COQ8A: variants seen among roughly 807,000 people sequenced by gnomAD.
COQ8A encodes the protein atypical kinase COQ8A, mitochondrial.
In COQ8A, 51 loss-of-function variants were observed where a neutral mutation model predicts 65.0. The ratio of observed to expected loss-of-function variants is 0.78; its 90% confidence interval spans 0.63 to 0.99. The LOEUF (loss-of-function observed/expected upper bound fraction) is 0.99. Among genes scored for constraint, COQ8A ranks in the 50% least tolerant of loss-of-function variants. The pLI, the probability that COQ8A is intolerant of heterozygous loss-of-function variation, is 0.00. For synonymous variants in COQ8A, 371 were observed against 353.2 expected, an observed-to-expected ratio of 1.05 and a Z score of -0.57; for missense variants, 940 against 875.0, an observed-to-expected ratio of 1.07 and a Z score of -0.94.
intron 2 of COQ8A, among the ~76,000 whole-genome samples, chr1:226,963,206 G>A (rs1266931469): frequency 6.6e-6 from 1 of 152,242 alleles, no homozygotes; most frequent in African/African-American, 2.4e-5. Context: ...GCTGAGTGAC[G>A]AGCCACACCA....
At position 226,984,985 on chromosome 1, in the gene COQ8A, G is replaced by C. The variant is rs201750655; in HGVS notation, c.1572+44G>C. On this transcript the variant is annotated intron_variant, in intron 13 of 14. Coordinates refer to ENST00000366777, the MANE Select transcript of COQ8A (RefSeq NM_020247.5). The stretch of plus-strand genomic sequence containing the variant: ...TGGCCTTGGTCCATGTTTTTCTGAG[G>C]CTGGGACAGGATGCTGGGGGACTCG... 8.7e-5 allele frequency: 140 copies of C among 1,607,262 alleles called. 1 individual carries two copies. In the East Asian group the frequency reaches 2.7e-3, roughly 31 times the overall value.
intron 1 of COQ8A, among the ~76,000 whole-genome samples, chr1:226,947,894 C>T (rs1053671571): frequency 6.6e-6 from 1 of 152,154 alleles, no homozygotes; most frequent in Non-Finnish European, 1.5e-5. Flanking sequence ...CAGGAATGCA[C>T]TGAGCTGTCT....
At chr1:226,986,169 A>G (rs918055165) in intron 14 of COQ8A, among the ~76,000 whole-genome samples, 1 of 152,034 alleles carries the variant, frequency 6.6e-6, no homozygotes, top group African/African-American at 2.4e-5. Flanking sequence ...TTTGGCCAGA[A>G]CAGTGTTTTG....
intron 1 of COQ8A, among the ~76,000 whole-genome samples, chr1:226,950,144 C>G (rs569480464): frequency 3.9e-5 from 6 of 152,302 alleles, no homozygotes; most frequent in South Asian, 4.1e-4. Context: ...GGAGAGGCTG[C>G]TTGGGACCCT....
At position 226,946,263 on chromosome 1, in the gene COQ8A, T is replaced by C. The variant is rs1450525771; in HGVS notation, c.-10+5864T>C. Among the ~76,000 whole-genome samples, 1 of 151,140 alleles carries C rather than the reference T, an allele frequency of 6.6e-6. No individual in the cohort carries two copies. The highest frequency in any genetic ancestry group is 2.4e-5 in the African/African-American group (1 of 41,028). The stretch of plus-strand genomic sequence containing the variant: ...CTTAGGCCATTAAGAGATGAGGGAG[T>C]TTAGAGGAAAGGAGATGACTTGCCT... On this transcript the variant is annotated intron_variant, in intron 1 of 14. Transcript: ENST00000366777. The surrounding 1 kb of genome is among the most constrained non-coding windows in gnomAD (Gnocchi z 5.3).
chr1:226,954,704 C>T (rs1263423228), intron 1 of COQ8A, among the ~76,000 whole-genome samples: 2 of 152,230 alleles, frequency 1.3e-5, no homozygotes, highest in African/African-American at 4.8e-5. Context: ...CAGCTGAGTT[C>T]ATTTCCTTTG....
chr1:226,970,001 C>T lies in COQ8A; in HGVS notation c.655+4264C>T, dbSNP rs559643215. Among the ~76,000 whole-genome samples, 11 of 152,184 alleles carry T rather than the reference C, an allele frequency of 7.2e-5. No homozygotes were observed. In the East Asian group the frequency reaches 7.7e-4, roughly 11 times the overall value. ...CTTTTTTTTTGGAGACAGTCTCGCTCGGTCACCCAGGCTGGAGTGCAGCGG... is the reference window on the plus strand; with the variant it reads ...CTTTTTTTTTGGAGACAGTCTCGCTTGGTCACCCAGGCTGGAGTGCAGCGG... On this transcript the variant is annotated intron_variant, in intron 4 of 14. Coordinates refer to ENST00000366777, the MANE Select transcript of COQ8A (RefSeq NM_020247.5).
At position 226,983,548 on chromosome 1, in the gene COQ8A, ACAG is replaced by A. The variant is rs1259602255; in HGVS notation, c.1081-3_1081-1del. The A allele has an allele frequency of 1.2e-6, 2 of 1,613,526 alleles. No homozygotes were observed. The highest frequency in any genetic ancestry group is 1.7e-6 in the Non-Finnish European group (2 of 1,179,878). On this transcript the variant is annotated splice_acceptor_variant and splice_polypyrimidine_tract_variant and intron_variant, in intron 8 of 14. Transcript: ENST00000366777. LOFTEE classifies it high-confidence loss of function. ...ACTCCCCTGCCTCACCCATACCCCC[ACAG>A]TACCCTGGCGTGGCCCAGAGCATCA...
At position 226,984,651 on chromosome 1, in the gene COQ8A, ACAAGGTGAGCCCCAGGGTGGGGG is replaced by A. The variant is rs760327691; in HGVS notation, c.1505_1506+21del. On this transcript the variant is annotated splice_donor_variant and splice_donor_5th_base_variant and coding_sequence_variant and intron_variant, in exon 12 of 15. Transcript: ENST00000366777. LOFTEE classifies it high-confidence loss of function. ...AACTTCTTCTATGACCCCCAGCAGC[ACAAGGTGAGCCCCAGGGTGGGGG>A]CACCCGCAGCCAGGCCTGAGAGCTT... is the stretch of plus-strand genomic sequence containing the variant. The A allele has an allele frequency of 3.7e-6, 6 of 1,613,870 alleles. No individual in the cohort carries two copies. The highest frequency in any genetic ancestry group is 5.1e-6 in the Non-Finnish European group (6 of 1,179,736).
rs1057519344 is a variant in COQ8A at position 226,983,549 on chromosome 1, C to CAGT, written c.1081-1_1082dup. On this transcript the variant is annotated splice_region_variant and splice_polypyrimidine_tract_variant and intron_variant, in intron 8 of 14. Transcript: ENST00000366777. The stretch of plus-strand genomic sequence containing the variant: ...CTCCCCTGCCTCACCCATACCCCCA[C>CAGT]AGTACCCTGGCGTGGCCCAGAGCAT... 3.7e-6 allele frequency: 6 copies of CAGT among 1,613,762 alleles called. No individual in the cohort carries two copies. Among genetic ancestry groups the CAGT allele is most frequent in the Admixed American group, 1.7e-5 (1 of 60,036 alleles).
In COQ8A at chr1:226,947,819, C is replaced by A. The variant is rs566666625; in HGVS notation, c.-10+7420C>A. Among the ~76,000 whole-genome samples the A allele has an allele frequency of 2.2e-3, 327 of 148,794 alleles. 1 individual carries two copies. The highest frequency in any genetic ancestry group is 4.3e-3 in the South Asian group (20 of 4,664). ...CAAAAAAATATATATATATATATAT[C>A]TATCTGCCTGGCATGTAGTATGGGC... On this transcript the variant is annotated intron_variant, in intron 1 of 14. Coordinates refer to ENST00000366777, the MANE Select transcript of COQ8A (RefSeq NM_020247.5).
At chr1:226,975,613 A>AT (rs1396032158) in intron 4 of COQ8A, among the ~76,000 whole-genome samples, 1 of 152,162 alleles carries the variant, frequency 6.6e-6, no homozygotes, top group African/African-American at 2.4e-5. Flanking sequence ...AGTAACAATT[A>AT]TATGTGTGGC....
At chr1:226,967,884 G>A (rs2148069615) in intron 4 of COQ8A, among the ~76,000 whole-genome samples, 1 of 152,368 alleles carries the variant, frequency 6.6e-6, no homozygotes, top group Admixed American at 6.5e-5. Context: ...TGATGTTTCA[G>A]GCTTGGAGAT....
At chr1:226,970,423 G>T (rs1156568486) in intron 4 of COQ8A, among the ~76,000 whole-genome samples, 1 of 152,186 alleles carries the variant, frequency 6.6e-6, no homozygotes, top group Non-Finnish European at 1.5e-5. Context: ...TTTACAACAT[G>T]TTACTGTACT....
rs558291783 is a variant in COQ8A, at chr1:226,986,347, C to A, written c.1660-106C>A. 402 of 1,288,214 alleles carry A rather than the reference C, an allele frequency of 3.1e-4. 3 individuals carry two copies. Among genetic ancestry groups the A allele is most frequent in the Non-Finnish European group, 3.7e-4 (337 of 917,476 alleles). The allele number at this position is 1,288,214 out of a possible 1,614,324, so 79.8% of individuals were successfully genotyped here. A position where few individuals can be genotyped will look rare whatever the true frequency, so the allele number is the denominator to read the frequency against. On this transcript the variant is annotated intron_variant, in intron 14 of 14. Coordinates refer to ENST00000366777, the MANE Select transcript of COQ8A (RefSeq NM_020247.5). ...TACCATGATGTAATCCAGTTTACAG[C>A]AGAGCTTTGAATGAGAACTCAGCGC...
At chr1:226,974,393 C>T (rs780949028) in intron 4 of COQ8A, among the ~76,000 whole-genome samples, 5 of 152,248 alleles carry the variant, frequency 3.3e-5, no homozygotes, top group African/African-American at 9.6e-5. Flanking sequence ...TCCTCCAGGA[C>T]GACCTTGCTG....
In COQ8A at chr1:226,986,987, A is replaced by C. The variant is rs1321621064; in HGVS notation, c.*250A>C. 5.3e-6 allele frequency: 3 copies of C among 564,346 alleles called. No homozygotes were observed. Among genetic ancestry groups the C allele is most frequent in the Non-Finnish European group, 9.5e-6 (3 of 316,070 alleles). The allele number at this position is 564,346 out of a possible 1,614,324, so 35.0% of individuals were successfully genotyped here. On this transcript the variant is annotated 3_prime_UTR_variant, in exon 15 of 15. Coordinates refer to ENST00000366777, the MANE Select transcript of COQ8A (RefSeq NM_020247.5). ...CCTCCGTGTGTCCTCTGAAATAAGC[A>C]GATGAAGATGAAAGGGCAACTTTGT... is the stretch of plus-strand genomic sequence containing the variant.
Position 226,961,622 on chromosome 1 carries a change from G to T in COQ8A, c.177+60G>T. On this transcript the variant is annotated intron_variant, in intron 2 of 14. Coordinates refer to ENST00000366777, the MANE Select transcript of COQ8A (RefSeq NM_020247.5). ...GGAAGAGGGTGGGACCTGGAGCTCTGGGGGAGACCAAGGGCTGTGACCATG... is the reference window on the plus strand; with the variant it reads ...GGAAGAGGGTGGGACCTGGAGCTCTTGGGGAGACCAAGGGCTGTGACCATG... 1.3e-6 allele frequency: 2 copies of T among 1,546,184 alleles called. 1 individual carries two copies. Among genetic ancestry groups the T allele is most frequent in the South Asian group, 2.5e-5 (2 of 80,646 alleles).
chr1:226,974,077 G>A (rs1297298414), intron 4 of COQ8A, among the ~76,000 whole-genome samples: 3 of 152,190 alleles, frequency 2.0e-5, no homozygotes, highest in Non-Finnish European at 4.4e-5. Context: ...TTAACCTCCT[G>A]GTGTCCATCT....
Sources: allele counts gnomAD v4.1 joint callset (sites outside exome capture counted in the v4.1 genomes callset), GRCh38; gene constraint gnomAD v4.1.1; non-coding constraint Gnocchi (gnomAD v3.1); transcripts MANE v1.5; gene names NCBI Gene and HGNC (gene_info 2026-07-23, HGNC 2026-07-21).